The following ZNF44 variants were observed in gnomAD, a reference collection of about 807,000 sequenced individuals.
ZNF44 encodes the protein zinc finger protein 44, also known as gonadotropin inducible transcription repressor-2.
ZNF44 carries 9 observed loss-of-function variants against 11.7 expected under a neutral mutation model. That is an observed-to-expected ratio of 0.77 (90% CI 0.46 to 1.35). The LOEUF (loss-of-function observed/expected upper bound fraction) is 1.35. Ranked by LOEUF, ZNF44 falls within the 40% of genes most tolerant of loss-of-function variation. The pLI is 0.00. For synonymous variants in ZNF44, 224 were observed against 242.7 expected (o/e 0.92, Z 0.72); for missense variants, 696 against 743.1 (o/e 0.94, Z 0.74).
At chr19:12,264,483 G>A (rs1034445339) in intron 5 of ZNF44, among the ~76,000 whole-genome samples, 4 of 152,068 alleles carry the variant, frequency 2.6e-5, no homozygotes, top group Non-Finnish European at 4.4e-5. Flanking sequence ...CAAGAATTCA[G>A]CAAAATCACT....
Position 12,294,619 on chromosome 19 carries a change from C to T in ZNF44, c.3+73G>A, listed in dbSNP as rs923340323. On this transcript the variant is annotated intron_variant, in intron 1 of 3. Transcript: ENST00000355684. ...AGACGCTGCGGCGAGGCCCGGGTCC[C>T]GCCACAGCCGGTTCCGACTGGTTCC... The T allele has an allele frequency of 6.5e-6, 10 of 1,535,414 alleles. No individual in the cohort carries two copies. In the African/African-American group the frequency reaches 1.4e-4, roughly 21 times the overall value.
chr19:12,284,069 A>C (rs1475839268), intron 1 of ZNF44, among the ~76,000 whole-genome samples: 2 of 152,210 alleles, frequency 1.3e-5, no homozygotes, highest in Non-Finnish European at 2.9e-5. Flanking sequence ...AATATTACCA[A>C]TCCCTCCATG....
At chr19:12,248,630 G>T (rs561201749) in exon 8 of ZNF44, 13 of 1,308,934 alleles carry the variant, frequency 9.9e-6, no homozygotes, top group Non-Finnish European at 1.3e-5. Context: ...AACCTTCTCC[G>T]CCATGACTAC....
intron 1 of ZNF44, among the ~76,000 whole-genome samples, chr19:12,288,659 T>C (rs1386601256): frequency 6.6e-6 from 1 of 150,590 alleles, no homozygotes; most frequent in Non-Finnish European, 1.5e-5. Context: ...GGAGAATAGC[T>C]TGAACCTAGG....
intron 1 of ZNF44, among the ~76,000 whole-genome samples, chr19:12,287,250 CT>C (rs920921546): frequency 2.6e-5 from 4 of 151,110 alleles, no homozygotes; most frequent in Admixed American, 2.0e-4. Flanking sequence ...ACACATTCTT[CT>C]TTTTTTTTCC....
intron 1 of ZNF44, among the ~76,000 whole-genome samples, chr19:12,293,793 C>A (rs1459418082): frequency 6.6e-6 from 1 of 152,036 alleles, no homozygotes; most frequent in East Asian, 1.9e-4. Flanking sequence ...GAGAAATGGT[C>A]GCCCTTGGAA....
chr19:12,229,318 A>AT (rs1374054861), intron 3 of ZNF44, among the ~76,000 whole-genome samples: 1 of 152,174 alleles, frequency 6.6e-6, no homozygotes, highest in Non-Finnish European at 1.5e-5. Flanking sequence ...GAAGACAAAG[A>AT]TTTTGAGAGG....
At chr19:12,274,647 G>A (rs1056550415) in intron 3 of ZNF44, among the ~76,000 whole-genome samples, 20 of 150,362 alleles carry the variant, frequency 1.3e-4, no homozygotes, top group African/African-American at 4.7e-4. Flanking sequence ...ACAGATCACT[G>A]CAGCCTCAAA....
In ZNF44 at chr19:12,272,525, T is replaced by C. The variant is rs745749214; in HGVS notation, c.1730A>G (p.Glu577Gly). ...KAFSRSSFCREHERTHTGEKP... is the reference protein window; with the variant it reads ...KAFSRSSFCRGHERTHTGEKP... ...CTCTCCAGTGTGAGTTCTTTCATGT[T>C]CTCGACAGAAACTGGAACGACTGAA... The change falls in exon 4 of 4, where the codon GAA (glutamate) becomes GGA (glycine). Residue 577 changes from glutamate to glycine, a missense_variant. By Grantham distance (98) the Glu-to-Gly change is moderately conservative. Coordinates refer to ENST00000355684, the MANE Select transcript of ZNF44 (RefSeq NM_016264.4). 1.2e-6 allele frequency: 2 copies of C among 1,611,328 alleles called. No homozygotes were observed. Among genetic ancestry groups the C allele is most frequent in the Non-Finnish European group, 1.7e-6 (2 of 1,178,940 alleles).
At chr19:12,264,984 C>T (rs1917668545) in intron 5 of ZNF44, among the ~76,000 whole-genome samples, 1 of 152,098 alleles carries the variant, frequency 6.6e-6, no homozygotes, top group Admixed American at 6.6e-5. Flanking sequence ...AGGCATGAGT[C>T]ACTGTGCCCA....
In ZNF44 at chr19:12,272,189, A is replaced by T; in HGVS notation, c.*218T>A. 1.6e-6 allele frequency: 1 copy of T among 616,848 alleles called. No individual in the cohort carries two copies. The highest frequency in any genetic ancestry group is 2.3e-6 in the Non-Finnish European group (1 of 432,696). 38.2% of individuals were successfully genotyped at this position (616,848 alleles called of 1,614,324 possible). On this transcript the variant is annotated 3_prime_UTR_variant, in exon 4 of 4. Coordinates refer to ENST00000355684, the MANE Select transcript of ZNF44 (RefSeq NM_016264.4). Reference sequence around the variant, plus strand: ...TTTTTTTTTTTTCCGTATTTTTAGTAGAGACAGGGTTTCCCATGTTAGCCA... The same window carrying T: ...TTTTTTTTTTTTCCGTATTTTTAGTTGAGACAGGGTTTCCCATGTTAGCCA...
Position 12,282,421 on chromosome 19 carries a change from CTTTT to C in ZNF44, c.4-6343_4-6340del, listed in dbSNP as rs59865823. On this transcript the variant is annotated intron_variant, in intron 1 of 3. Coordinates refer to ENST00000355684, the MANE Select transcript of ZNF44 (RefSeq NM_016264.4). ...AAATCAACCCACTTGGAGAAGTCTT[CTTTT>C]TTTTTTTTTTTTTTGAGACGGAGTC... is the stretch of plus-strand genomic sequence containing the variant. 4.8e-5 allele frequency among the ~76,000 whole-genome samples: 6 copies of C among 126,196 alleles called. No homozygotes were observed. In the South Asian group the frequency reaches 1.0e-3, roughly 22 times the overall value. The allele number at this position is 126,196 out of a possible 152,430, so 82.8% of individuals were successfully genotyped here.
At chr19:12,269,295 C>T (rs1357965827), downstream of ZNF44, among the ~76,000 whole-genome samples, 1 of 152,138 alleles carries the variant, frequency 6.6e-6, no homozygotes, top group African/African-American at 2.4e-5. Context: ...GAGGCCAAGG[C>T]AGATGGATCA....
intron 5 of ZNF44, among the ~76,000 whole-genome samples, chr19:12,256,033 G>GTC (rs1217933681): frequency 3.8e-5 from 3 of 79,068 alleles, no homozygotes; most frequent in Admixed American, 1.9e-4. Context: ...GCGAAACTCT[G>GTC]TCTCAAAAAA....
At chr19:12,230,170 C>CGAGGTTGT (rs1916098544) in intron 3 of ZNF44, among the ~76,000 whole-genome samples, 2 of 152,062 alleles carry the variant, frequency 1.3e-5, no homozygotes, top group South Asian at 4.1e-4. Context: ...CCAAGTTTGG[C>CGAGGTTGT]GAGGTTGTGA....
chr19:12,288,774 G>GTATATGTATATATATATATATATA (rs1413658227), intron 1 of ZNF44, among the ~76,000 whole-genome samples: 2 of 76,840 alleles, frequency 2.6e-5, no homozygotes, highest in Non-Finnish European at 4.3e-5. Flanking sequence ...AAAAAAAAAT[G>GTATATGTATATATATATATATATA]TATATATATA....
intron 1 of ZNF44, among the ~76,000 whole-genome samples, chr19:12,283,327 G>C (rs1967565055): frequency 6.6e-6 from 1 of 152,018 alleles, no homozygotes; most frequent in Non-Finnish European, 1.5e-5. Flanking sequence ...AGAAATTACA[G>C]AAATTTTTTT....
chr19:12,243,372 C>G (rs1395476631), downstream of ZNF44, among the ~76,000 whole-genome samples: 11 of 152,154 alleles, frequency 7.2e-5, no homozygotes, highest in Admixed American at 7.2e-4. Flanking sequence ...TAGTAACCAC[C>G]GTTCCTCCCT....
In ZNF44 at chr19:12,272,821, ACAT is replaced by A; in HGVS notation, c.1431_1433del (p.Glu477_Cys478delinsAsp). The stretch of plus-strand genomic sequence containing the variant: ...AACTAAATGCTTTCCCACACTCCTT[ACAT>A]TCATAAGGCTCCTCTTCACTGTGTG... On this transcript the variant is annotated inframe_deletion, in exon 4 of 4. Coordinates refer to ENST00000355684, the MANE Select transcript of ZNF44 (RefSeq NM_016264.4). 1 of 1,614,008 alleles carries A rather than the reference ACAT, an allele frequency of 6.2e-7. No individual in the cohort carries two copies. Among genetic ancestry groups the A allele is most frequent in the Non-Finnish European group, 8.5e-7 (1 of 1,179,910 alleles).
Sources: allele counts gnomAD v4.1 joint callset (sites outside exome capture counted in the v4.1 genomes callset), GRCh38; gene constraint gnomAD v4.1.1; transcripts MANE v1.5; gene names NCBI Gene and HGNC (gene_info 2026-07-23, HGNC 2026-07-21).